Variants in MEIS3 observed in about 807,000 individuals in gnomAD.
The protein encoded by MEIS3 is homeobox protein Meis3.
MEIS3 carries 38 observed loss-of-function variants against 51.4 expected under a neutral mutation model. The observed-to-expected ratio is 0.74, with a 90% CI of 0.57 to 0.97. The LOEUF (loss-of-function observed/expected upper bound fraction) is 0.97. Among genes scored for constraint, MEIS3 ranks in the 50% least tolerant of loss-of-function variants. The pLI is 0.00. For missense variants in MEIS3, 456 were observed against 502.6 expected, an observed-to-expected ratio of 0.91 and a Z score of 0.89; for synonymous variants, 198 against 201.8, an observed-to-expected ratio of 0.98 and a Z score of 0.16.
At chr19:47,407,578 A>G (rs1402625060) in intron 8 of MEIS3, 150 bp from the exon 9 acceptor site, 2 of 1,502,228 alleles carry the variant, frequency 1.3e-6, no homozygotes, top group Middle Eastern at 2.3e-4. Context: ...TGCGCTCCCC[A>G]GGATGGAGAC....
At position 47,403,487 on chromosome 19, in the gene MEIS3, G is replaced by A. The variant is rs1159308944; in HGVS notation, c.*84C>T. Reference sequence around the variant, plus strand: ...GAGGGGCCTTTGGAGGTGGGGTCCTGAAGCTGGAGGACCAGGCGGGAACCA... The same window carrying A: ...GAGGGGCCTTTGGAGGTGGGGTCCTAAAGCTGGAGGACCAGGCGGGAACCA... On this transcript the variant is annotated 3_prime_UTR_variant, in exon 13 of 13. Coordinates refer to ENST00000558555, the MANE Select transcript of MEIS3 (RefSeq NM_001301059.2). The A allele has an allele frequency of 2.2e-6, 1 of 456,166 alleles. No individual in the cohort carries two copies. The highest frequency in any genetic ancestry group is 2.4e-5 in the Admixed American group (1 of 42,548). 28.3% of individuals were successfully genotyped at this position (456,166 alleles called of 1,614,324 possible).
rs181315177 is a variant in MEIS3 at position 47,412,893 on chromosome 19, G to A, written c.597+1824C>T. 2.4e-3 allele frequency among the ~76,000 whole-genome samples: 363 copies of A among 151,900 alleles called. 1 individual carries two copies. The highest frequency in any genetic ancestry group is 8.1e-3 in the African/African-American group (336 of 41,486). On this transcript the variant is annotated intron_variant, in intron 6 of 12. Transcript: ENST00000558555. ...TAAGTTTTGTATTTTTAGTAGAGCC[G>A]GGTTTTTGCCATGTTGGCCAGGCTG... is the stretch of plus-strand genomic sequence containing the variant.
Position 47,407,112 on chromosome 19 carries a change from C to G in MEIS3, c.961G>C (p.Val321Leu), listed in dbSNP as rs533360060. 77 of 1,610,974 alleles carry G rather than the reference C, an allele frequency of 4.8e-5. 2 individuals carry two copies. The South Asian group carries it at 8.0e-4, about 17-fold the overall frequency. ...NWFINARRRI[V>L]QPMIDQSNRT... ...TTGGATTGATCGATCATAGGTTGCACGATGCGTCTCCGGGCGTTAATGAAC... is the reference window on the plus strand; with the variant it reads ...TTGGATTGATCGATCATAGGTTGCAGGATGCGTCTCCGGGCGTTAATGAAC... The change falls in exon 10 of 13, where the codon GTG (valine) becomes CTG (leucine). Residue 321 changes from valine to leucine, a missense_variant. Val to Leu is a conservative substitution (Grantham distance 32). Transcript: ENST00000558555.
At chr19:47,408,859 G>A (rs756823186) in intron 8 of MEIS3, among the ~76,000 whole-genome samples, 7 of 152,056 alleles carry the variant, frequency 4.6e-5, no homozygotes, top group Admixed American at 2.0e-4. Context: ...TGATTGATGC[G>A]CGGGTTAATG....
chr19:47,419,265 C>T lies in MEIS3; in HGVS notation c.-184G>A, dbSNP rs997989852. On this transcript the variant is annotated 5_prime_UTR_variant, in exon 1 of 13. Coordinates refer to ENST00000558555, the MANE Select transcript of MEIS3 (RefSeq NM_001301059.2). The stretch of plus-strand genomic sequence containing the variant: ...GGCGCCGGGCCGGGTGGGGACTCCG[C>T]GCATGGACCCCGGCCCCCGCCCCCA... 11 of 301,238 alleles carry T rather than the reference C, an allele frequency of 3.7e-5. No homozygotes were observed. The South Asian group carries it at 1.6e-3, about 43-fold the overall frequency. 18.7% of individuals were successfully genotyped at this position (301,238 alleles called of 1,614,324 possible). A position where few individuals can be genotyped will look rare whatever the true frequency, so the allele number is the denominator to read the frequency against.
intron 4 of MEIS3, chr19:47,416,433 A>G: frequency 5.9e-6 from 3 of 511,922 alleles, no homozygotes; most frequent in Non-Finnish European, 1.0e-5. Context: ...CCTGGGTCAC[A>G]GAGCTGGTGA....
At chr19:47,415,527 A>T (rs1971363275) in intron 4 of MEIS3, among the ~76,000 whole-genome samples, 1 of 148,780 alleles carries the variant, frequency 6.7e-6, no homozygotes, top group South Asian at 2.2e-4. Flanking sequence ...GGAGCAAAGG[A>T]TGGGAGAAGC....
At chr19:47,405,810 A>C (rs1034178897) in intron 12 of MEIS3, 12 of 152,356 alleles carry the variant, frequency 7.9e-5, no homozygotes, top group African/African-American at 2.9e-4. Context: ...TCAGCCTCCT[A>C]AAGTGCTGGG....
chr19:47,420,258 C>G (rs917740148), upstream of MEIS3, among the ~76,000 whole-genome samples: 6 of 152,310 alleles, frequency 3.9e-5, no homozygotes, highest in African/African-American at 1.2e-4. Context: ...CTGCTCCACC[C>G]CCACCTCACC....
chr19:47,418,934 G>T, intron 1 of MEIS3, 136 bp downstream of exon 1: 1 of 497,278 alleles, frequency 2.0e-6, no homozygotes, highest in Middle Eastern at 3.2e-4. Flanking sequence ...ACCCAGGGGC[G>T]GAGGGAGGGG....
intron 7 of MEIS3, 82 bp downstream of exon 7, chr19:47,409,354 C>T: frequency 6.3e-7 from 1 of 1,576,502 alleles, no homozygotes; most frequent in Non-Finnish European, 8.7e-7. Flanking sequence ...CCATCTCTGC[C>T]CCTCTACAAG....
At chr19:47,406,656 TG>T in intron 11 of MEIS3, 130 bp from the exon 12 acceptor site, 1 of 991,340 alleles carries the variant, frequency 1.0e-6, no homozygotes, top group Middle Eastern at 2.1e-4. Flanking sequence ...AAGAAGGTGC[TG>T]GCCCTTTAAG....
At position 47,416,917 on chromosome 19, in the gene MEIS3, G is replaced by C; in HGVS notation, c.232C>G (p.Leu78Val). Residue 78 changes from leucine to valine, a missense_variant, in exon 3 of 13, where the codon CTG becomes GTG. Leu to Val is a conservative substitution (Grantham distance 32, BLOSUM62 1). Coordinates refer to ENST00000558555, the MANE Select transcript of MEIS3 (RefSeq NM_001301059.2). ...CCGTCACGGGGAGAGCATGTAGCCA[G>C]TTCACATTTCTCAAAGACCAGGGCC... ...LLALVFEKCELATCSPRDGAG... is the reference protein window; with the variant it reads ...LLALVFEKCEVATCSPRDGAG... 6.2e-7 allele frequency: 1 copy of C among 1,610,910 alleles called. No individual in the cohort carries two copies. Among genetic ancestry groups the C allele is most frequent in the South Asian group, 1.1e-5 (1 of 90,578 alleles).
chr19:47,420,059 T>TGGG (rs1388536915), upstream of MEIS3, among the ~76,000 whole-genome samples: 2 of 152,168 alleles, frequency 1.3e-5, no homozygotes, highest in Admixed American at 6.5e-5. Flanking sequence ...TGGCTGAGTC[T>TGGG]GGGGGTCCCC....
intron 1 of MEIS3, chr19:47,418,829 A>C: frequency 2.7e-6 from 1 of 371,212 alleles, no homozygotes; most frequent in Non-Finnish European, 4.7e-6. Flanking sequence ...ACAGAGGGGC[A>C]GGGAGAAGGA....
rs201788472 is a variant in MEIS3, at chr19:47,406,965, C to A, written c.1001G>T (p.Gly334Val). The A allele has an allele frequency of 5.1e-6, 8 of 1,576,412 alleles. No homozygotes were observed. In the East Asian group the frequency reaches 6.9e-5, roughly 14 times the overall value. The change falls in exon 11 of 13, where the codon GGT (glycine) becomes GTT (valine). Residue 334 changes from glycine to valine, a missense_variant. Coordinates refer to ENST00000558555, the MANE Select transcript of MEIS3 (RefSeq NM_001301059.2). ...CTGGCCCTCTGGGCTGAAGGCTGCACCCTGCCCTGCGAAGGGGGTTCAGAG... is the reference window on the plus strand; with the variant it reads ...CTGGCCCTCTGGGCTGAAGGCTGCAACCTGCCCTGCGAAGGGGGTTCAGAG... ...MIDQSNRTGQ[G>V]AAFSPEGQPI...
chr19:47,417,353 G>T lies in MEIS3; in HGVS notation c.13-3C>A. 1.9e-6 allele frequency: 3 copies of T among 1,613,176 alleles called. No individual in the cohort carries two copies. Among genetic ancestry groups the T allele is most frequent in the Non-Finnish European group, 2.5e-6 (3 of 1,179,662 alleles). ...GGGTAGTGCGGCAGCTCATCATACT[G>T]GGGGAAGGTGAGAAGAGAAGGGCGG... On this transcript the variant is annotated splice_region_variant and splice_polypyrimidine_tract_variant and intron_variant, in intron 1 of 12. Coordinates refer to ENST00000558555, the MANE Select transcript of MEIS3 (RefSeq NM_001301059.2).
intron 6 of MEIS3, among the ~76,000 whole-genome samples, chr19:47,413,983 C>T (rs1380287463): frequency 1.3e-5 from 2 of 151,974 alleles, no homozygotes; most frequent in Non-Finnish European, 2.9e-5. Flanking sequence ...GATCCACCCA[C>T]CTCAGCCTCC....
At chr19:47,419,921 C>T (rs138289288), upstream of MEIS3, among the ~76,000 whole-genome samples, 1 of 152,142 alleles carries the variant, frequency 6.6e-6, no homozygotes, top group Non-Finnish European at 1.5e-5. Context: ...TCTGGTCCCA[C>T]CGTAGGCTCT....
Sources: allele counts gnomAD v4.1 joint callset (sites outside exome capture counted in the v4.1 genomes callset), GRCh38; gene constraint gnomAD v4.1.1; transcripts MANE v1.5; gene names NCBI Gene and HGNC (gene_info 2026-07-23, HGNC 2026-07-21).